The following NEDD4 variants were observed in gnomAD, a reference collection of about 807,000 sequenced individuals.
NEDD4 encodes the protein E3 ubiquitin-protein ligase NEDD4.
NEDD4 carries 99 observed loss-of-function variants against 144.9 expected under a neutral mutation model. That is an observed-to-expected ratio of 0.68 (90% CI 0.58 to 0.81). The LOEUF is 0.81. NEDD4 is among the 30% of genes least tolerant of loss of function. NEDD4 has a pLI of 0.00. For synonymous variants in NEDD4, 318 were observed against 350.6 expected, an observed-to-expected ratio of 0.91 and a Z score of 1.04; for missense variants, 985 against 1,065.9, an observed-to-expected ratio of 0.92 and a Z score of 1.06.
intron 2 of NEDD4, 78 bp downstream of exon 2, chr15:55,966,395 C>T (rs72734354): frequency 0.13 from 110,402 of 856,714 alleles, 7,853 homozygotes; most frequent in East Asian, 0.32. Context: ...TATTTGATTT[C>T]TAATTTAACC....
intron 4 of NEDD4, among the ~76,000 whole-genome samples, chr15:55,948,786 C>A (rs1289549066): frequency 1.3e-5 from 2 of 152,110 alleles, no homozygotes; most frequent in Admixed American, 6.6e-5. Context: ...TTCCTTACAC[C>A]TTATACAAAA....
chr15:55,930,271 T>C (rs1446859654), intron 4 of NEDD4, among the ~76,000 whole-genome samples: 1 of 152,178 alleles, frequency 6.6e-6, no homozygotes, highest in Non-Finnish European at 1.5e-5. Flanking sequence ...ACCGAAAATA[T>C]TTACTATCTG....
chr15:55,872,627 T>C (rs1202864696), intron 6 of NEDD4, among the ~76,000 whole-genome samples, 151 bp from the exon 7 acceptor site: 2 of 152,206 alleles, frequency 1.3e-5, no homozygotes, highest in Non-Finnish European at 2.9e-5. Flanking sequence ...AACTTGACAG[T>C]GCTTTCACTT....
At chr15:55,991,466 G>C (rs897762419) in intron 1 of NEDD4, among the ~76,000 whole-genome samples, 1 of 152,172 alleles carries the variant, frequency 6.6e-6, no homozygotes, top group Non-Finnish European at 1.5e-5. Context: ...TCTATCCCTG[G>C]TGCCTAGCAC....
At chr15:55,857,947 C>T (rs2034261207) in intron 11 of NEDD4, among the ~76,000 whole-genome samples, 1 of 152,118 alleles carries the variant, frequency 6.6e-6, no homozygotes, top group Non-Finnish European at 1.5e-5. Context: ...CTCAAAAAAA[C>T]AAAAGGTACA....
intron 19 of NEDD4, among the ~76,000 whole-genome samples, 190 bp from the exon 20 acceptor site, chr15:55,840,917 A>G (rs187773317): frequency 3.9e-5 from 6 of 152,344 alleles, no homozygotes; most frequent in Non-Finnish European, 8.8e-5. Context: ...TTGGCAGATG[A>G]ATGTATAAAC....
chr15:55,861,133 G>A lies in NEDD4; in HGVS notation c.675-355C>T, dbSNP rs979809579. Among the ~76,000 whole-genome samples, 3 of 152,158 alleles carry A rather than the reference G, an allele frequency of 2.0e-5. No individual in the cohort carries two copies. The South Asian group carries it at 6.2e-4, about 31-fold the overall frequency. On this transcript the variant is annotated intron_variant, in intron 9 of 28. Coordinates refer to ENST00000435532, the MANE Select transcript of NEDD4 (RefSeq NM_006154.4). ...TTATTTCATTGTATTATTTTGCCATGTTATTATAAGAGTAATAGAGTTACA... is the reference window on the plus strand; with the variant it reads ...TTATTTCATTGTATTATTTTGCCATATTATTATAAGAGTAATAGAGTTACA...
chr15:55,990,202 G>C (rs2037966572), intron 1 of NEDD4, among the ~76,000 whole-genome samples: 1 of 152,004 alleles, frequency 6.6e-6, no homozygotes, highest in African/African-American at 2.4e-5. Context: ...AATAGAAGTA[G>C]AGTGCACCAT....
intron 18 of NEDD4, 128 bp downstream of exon 18, chr15:55,846,841 C>A: frequency 1.9e-6 from 1 of 527,576 alleles, no homozygotes; most frequent in Non-Finnish European, 3.3e-6. Flanking sequence ...AGCATCCTTT[C>A]TCTAGGAAAA....
At chr15:55,832,181 GAA>G (rs200591357) in intron 27 of NEDD4, among the ~76,000 whole-genome samples, 48,598 of 124,338 alleles carry the variant, frequency 0.39, 8,230 homozygotes, top group South Asian at 0.49. Context: ...CCCCTATCTT[GAA>G]AAAAAAAAAA....
chr15:55,971,873 AAAAACAAAAC>A (rs1220560591), intron 1 of NEDD4, among the ~76,000 whole-genome samples: 4 of 152,196 alleles, frequency 2.6e-5, no homozygotes, highest in Admixed American at 1.3e-4. Context: ...AGAGAAAATT[AAAAACAAAAC>A]AAAACAAAAC....
chr15:55,901,339 T>C (rs552466833), intron 5 of NEDD4, among the ~76,000 whole-genome samples: 2 of 152,270 alleles, frequency 1.3e-5, no homozygotes, highest in African/African-American at 4.8e-5. Context: ...AAGAGTTCGT[T>C]TTAGAACTAC....
rs981439227 is a variant in NEDD4 at position 55,983,754 on chromosome 15, G to C, written c.45+9757C>G. On this transcript the variant is annotated intron_variant, in intron 1 of 28. Transcript: ENST00000435532. ...GCCTCTCAAGTACCTGAGACTACAG[G>C]TATATGCTACCATGCCTGGCTAATT... Among the ~76,000 whole-genome samples the C allele has an allele frequency of 3.3e-5, 5 of 151,820 alleles. No homozygotes were observed. The East Asian group carries it at 9.6e-4, about 29-fold the overall frequency.
At position 55,827,872 on chromosome 15, in the gene NEDD4, T is replaced by C. The variant is rs1006068977; in HGVS notation, c.*2025A>G. 1 of 152,230 alleles carries C rather than the reference T, an allele frequency of 6.6e-6. No homozygotes were observed. Among genetic ancestry groups the C allele is most frequent in the Admixed American group, 6.5e-5 (1 of 15,276 alleles). The allele number at this position is 152,230 out of a possible 1,614,324, so 9.4% of individuals were successfully genotyped here. On this transcript the variant is annotated 3_prime_UTR_variant, in exon 29 of 29. Transcript: ENST00000435532. ...ACGGTCAGCACAAAGCACCTTCTGA[T>C]TGTATAACACTTTACAAAGTACTTT...
intron 8 of NEDD4, among the ~76,000 whole-genome samples, chr15:55,869,146 A>G (rs758366409): frequency 3.3e-4 from 50 of 152,100 alleles, no homozygotes; most frequent in Non-Finnish European, 6.5e-4. Flanking sequence ...GATCACTTAA[A>G]TTTTCCTTGC....
intron 4 of NEDD4, among the ~76,000 whole-genome samples, chr15:55,945,986 C>T (rs1436213252): frequency 6.6e-6 from 1 of 152,154 alleles, no homozygotes; most frequent in Non-Finnish European, 1.5e-5. Flanking sequence ...GCCTGCCTTA[C>T]AAGAGCTCAT....
intron 5 of NEDD4, among the ~76,000 whole-genome samples, chr15:55,879,593 T>C (rs1181400218): frequency 6.6e-6 from 1 of 151,948 alleles, no homozygotes; most frequent in Non-Finnish European, 1.5e-5. Flanking sequence ...CAGACCTAAA[T>C]GAAAGACGGG....
intron 5 of NEDD4, among the ~76,000 whole-genome samples, chr15:55,879,407 TA>T (rs2035105468): frequency 1.3e-5 from 2 of 152,286 alleles, no homozygotes; most frequent in South Asian, 4.1e-4. Flanking sequence ...TTATAGATAT[TA>T]AATCCAGGAA....
intron 4 of NEDD4, among the ~76,000 whole-genome samples, chr15:55,950,062 C>G (rs1395136558): frequency 6.6e-6 from 1 of 151,836 alleles, no homozygotes. Flanking sequence ...TTTAAAAACA[C>G]TCTCCTAACC....
Sources: gnomAD v4.1 joint callset for allele counts (sites outside exome capture counted in the v4.1 genomes callset) on GRCh38, gnomAD v4.1.1 for gene constraint, MANE v1.5 for transcripts, NCBI Gene and HGNC (gene_info 2026-07-23, HGNC 2026-07-21) for gene names.